CSMD2: variants seen among roughly 807,000 people sequenced by gnomAD.
CSMD2 encodes CUB and sushi domain-containing protein 2.
Under a neutral mutation model 398.5 loss-of-function variants are expected in CSMD2, and 130 were observed. The observed-to-expected ratio is 0.33, with a 90% CI of 0.28 to 0.38. CSMD2 has a LOEUF of 0.38. Ranked by LOEUF, CSMD2 falls within the 10% of genes least tolerant of loss-of-function variation. CSMD2 has a pLI of 1.00. For missense variants in CSMD2, 3,829 were observed against 4,764.9 expected, an observed-to-expected ratio of 0.80 and a Z score of 5.78; for synonymous variants, 1,828 against 1,908.5, an observed-to-expected ratio of 0.96 and a Z score of 1.10.
intron 2 of CSMD2, among the ~76,000 whole-genome samples, chr1:34,066,703 G>C (rs1485987806): frequency 6.6e-6 from 1 of 152,134 alleles, no homozygotes; most frequent in African/African-American, 2.4e-5. Context: ...GGACGCAGCA[G>C]GATGTGGACC....
chr1:33,915,681 C>G (rs1313649471), intron 5 of CSMD2, among the ~76,000 whole-genome samples: 3 of 152,182 alleles, frequency 2.0e-5, no homozygotes, highest in Admixed American at 2.0e-4. Context: ...GGCCTTGGGA[C>G]TGGAAGACAG....
intron 2 of CSMD2, among the ~76,000 whole-genome samples, chr1:34,068,890 A>C (rs1655409712): frequency 6.6e-6 from 1 of 152,138 alleles, no homozygotes; most frequent in Non-Finnish European, 1.5e-5. Flanking sequence ...GTAAGATGTG[A>C]CTTGCTCCTC....
At chr1:34,033,397 C>T (rs940591862) in intron 2 of CSMD2, among the ~76,000 whole-genome samples, 1 of 152,162 alleles carries the variant, frequency 6.6e-6, no homozygotes, top group African/African-American at 2.4e-5. Context: ...TAAAAGGAAA[C>T]AGGTGTGAAG....
At chr1:33,983,779 C>G (rs1646253100) in intron 3 of CSMD2, among the ~76,000 whole-genome samples, 1 of 152,088 alleles carries the variant, frequency 6.6e-6, no homozygotes, top group Admixed American at 6.6e-5. Context: ...CAGCCTGCCT[C>G]CCTGAAGCTG....
At chr1:34,004,240 T>A (rs1018773416) in intron 3 of CSMD2, among the ~76,000 whole-genome samples, 2 of 152,160 alleles carry the variant, frequency 1.3e-5, no homozygotes, top group African/African-American at 4.8e-5. Context: ...ATGAATGAGG[T>A]CCCAGTGACA....
chr1:33,946,792 T>C (rs967699354), intron 3 of CSMD2, among the ~76,000 whole-genome samples: 11 of 42,946 alleles, frequency 2.6e-4, no homozygotes, highest in African/African-American at 1.8e-3. Context: ...CCAGCTAACT[T>C]TTTTTTTTTT....
At chr1:33,608,805 C>T (rs1185938990) in intron 41 of CSMD2, among the ~76,000 whole-genome samples, 1 of 152,162 alleles carries the variant, frequency 6.6e-6, no homozygotes, top group African/African-American at 2.4e-5. Flanking sequence ...CTGCTGACAC[C>T]TTGATCTTGA....
intron 23 of CSMD2, among the ~76,000 whole-genome samples, chr1:33,699,827 A>AT (rs901169311): frequency 1.3e-5 from 2 of 151,978 alleles, no homozygotes; most frequent in African/African-American, 2.4e-5. Context: ...TTCCATACAC[A>AT]TTTTTCCCCC....
At position 33,642,711 on chromosome 1, in the gene CSMD2, AGTT is replaced by A. The variant is rs372804280; in HGVS notation, c.4774+3934_4774+3936del. Among the ~76,000 whole-genome samples the A allele has an allele frequency of 7.6e-4, 116 of 152,262 alleles. 4 individuals are homozygous for A. In the South Asian group the frequency reaches 0.023, roughly 30 times the overall value. On this transcript the variant is annotated intron_variant, in intron 29 of 70. Coordinates refer to ENST00000373381, the MANE Select transcript of CSMD2 (RefSeq NM_001281956.2). ...TTTAGCTTAAGTTACTTAGGCTGTTAGTTGTTTTCTCATAATCATGTCTCCTTT... is the reference window on the plus strand; with the variant it reads ...TTTAGCTTAAGTTACTTAGGCTGTTAGTTTTCTCATAATCATGTCTCCTTT...
At position 33,633,686 on chromosome 1, in the gene CSMD2, G is replaced by A. The variant is rs1642612468; in HGVS notation, c.5087-151C>T. 1.6e-6 allele frequency: 1 copy of A among 625,436 alleles called. No homozygotes were observed. Among genetic ancestry groups the A allele is most frequent in the Non-Finnish European group, 2.9e-6 (1 of 348,358 alleles). The allele number at this position is 625,436 out of a possible 1,614,324, so 38.7% of individuals were successfully genotyped here. A position where few individuals can be genotyped will look rare whatever the true frequency, so the allele number is the denominator to read the frequency against. On this transcript the variant is annotated intron_variant, in intron 31 of 70. Transcript: ENST00000373381. The surrounding 1 kb of genome is among the most constrained non-coding windows in gnomAD (Gnocchi z 5.0). The stretch of plus-strand genomic sequence containing the variant: ...GCTTGCTGCACTGGTTAGTGCAGTG[G>A]CACAGTCTGGCAGTGGCCAGACACC...
At chr1:33,892,782 C>T (rs1222942097) in intron 5 of CSMD2, among the ~76,000 whole-genome samples, 1 of 152,240 alleles carries the variant, frequency 6.6e-6, no homozygotes, top group Non-Finnish European at 1.5e-5. Flanking sequence ...CTAATACTCT[C>T]TATTCTTTTA....
At chr1:33,682,157 G>A (rs1644928308) in intron 25 of CSMD2, among the ~76,000 whole-genome samples, 1 of 152,066 alleles carries the variant, frequency 6.6e-6, no homozygotes. Context: ...TTGGCTTATG[G>A]CTATATCACT....
chr1:34,087,850 G>T (rs1194212685), intron 2 of CSMD2, among the ~76,000 whole-genome samples: 4 of 152,248 alleles, frequency 2.6e-5, no homozygotes, highest in Middle Eastern at 3.4e-3. Context: ...TGAAATATTT[G>T]TGGAATGAAT....
At chr1:33,571,478 G>A in intron 51 of CSMD2, 54 bp downstream of exon 51, 3 of 1,337,714 alleles carry the variant, frequency 2.2e-6, no homozygotes, top group Non-Finnish European at 2.9e-6. Flanking sequence ...GCATGAGACA[G>A]CTTAGGTAGG....
At chr1:33,842,451 G>A (rs1426139098) in intron 6 of CSMD2, among the ~76,000 whole-genome samples, 1 of 152,086 alleles carries the variant, frequency 6.6e-6, no homozygotes, top group Non-Finnish European at 1.5e-5. Flanking sequence ...CAACTCTACT[G>A]AGACTTTCAC....
chr1:33,824,110 C>T (rs1242999437), intron 7 of CSMD2, among the ~76,000 whole-genome samples: 2 of 152,204 alleles, frequency 1.3e-5, no homozygotes, highest in African/African-American at 4.8e-5. Context: ...GGGTAACATG[C>T]TCCCTGAGGA....
At chr1:34,132,528 G>T (rs944706549) in intron 1 of CSMD2, among the ~76,000 whole-genome samples, 1 of 152,226 alleles carries the variant, frequency 6.6e-6, no homozygotes, top group African/African-American at 2.4e-5. Flanking sequence ...AGGATGCCCA[G>T]ATAGCTGGGA....
chr1:33,668,713 GGAAAGAGGT>G (rs1444313551), intron 25 of CSMD2, among the ~76,000 whole-genome samples: 1 of 152,174 alleles, frequency 6.6e-6, no homozygotes, highest in Non-Finnish European at 1.5e-5. Flanking sequence ...CTGAAGTGGA[GGAAAGAGGT>G]GAAAAGATCT....
intron 25 of CSMD2, among the ~76,000 whole-genome samples, chr1:33,668,739 C>T (rs1263579834): frequency 6.6e-6 from 1 of 152,166 alleles, no homozygotes; most frequent in Non-Finnish European, 1.5e-5. Flanking sequence ...ATCTTCCTTC[C>T]TATTGATGAC....
Sources: gnomAD v4.1 joint callset for allele counts (sites outside exome capture counted in the v4.1 genomes callset) on GRCh38, gnomAD v4.1.1 for gene constraint, Gnocchi (gnomAD v3.1) non-coding constraint, MANE v1.5 for transcripts, NCBI Gene and HGNC (gene_info 2026-07-23, HGNC 2026-07-21) for gene names.